The following LAMA3 variants were observed in gnomAD, a reference collection of about 807,000 sequenced individuals.
The protein encoded by LAMA3 is laminin subunit alpha 3.
Under a neutral mutation model 402.0 loss-of-function variants are expected in LAMA3, and 281 were observed. That is an observed-to-expected ratio of 0.70 (90% CI 0.63 to 0.77). The LOEUF (loss-of-function observed/expected upper bound fraction) is 0.77. Ranked by LOEUF, LAMA3 falls within the 30% of genes least tolerant of loss-of-function variation. The probability of loss-of-function intolerance (pLI) is 0.00; values close to 1 mark genes in which losing one functional copy is unlikely to be tolerated. For missense variants in LAMA3, 3,840 were observed against 4,215.5 expected (o/e 0.91, Z 2.47); for synonymous variants, 1,431 against 1,558.4 (o/e 0.92, Z 1.93).
chr18:23,755,849 G>A (rs2061833020), intron 6 of LAMA3, among the ~76,000 whole-genome samples: 1 of 152,210 alleles, frequency 6.6e-6, no homozygotes, highest in Non-Finnish European at 1.5e-5. Context: ...TCTAATCAAT[G>A]ACATCTTTAA....
intron 74 of LAMA3, among the ~76,000 whole-genome samples, chr18:23,953,949 C>T (rs1182530105): frequency 6.6e-6 from 1 of 152,124 alleles, no homozygotes; most frequent in African/African-American, 2.4e-5. Flanking sequence ...TAAAAAGTAC[C>T]AGTTTAGAGC....
rs78040445 is a variant in LAMA3 at position 23,835,624 on chromosome 18, G to C, written c.2985-1357G>C. 3.9e-3 allele frequency among the ~76,000 whole-genome samples: 588 copies of C among 152,244 alleles called. 4 individuals are homozygous for C. The highest frequency in any genetic ancestry group is 0.013 in the African/African-American group (559 of 41,542). The stretch of plus-strand genomic sequence containing the variant: ...ATTGTGTTTAATCCCTCCAAGGAGT[G>C]TCCCGTTCTATTTTTTCACGTGGCT... On this transcript the variant is annotated intron_variant, in intron 24 of 74. Transcript: ENST00000313654.
chr18:23,817,585 C>T (rs1330728315), intron 18 of LAMA3, among the ~76,000 whole-genome samples: 1 of 152,122 alleles, frequency 6.6e-6, no homozygotes, highest in Non-Finnish European at 1.5e-5. Flanking sequence ...CACTGTGGCA[C>T]ATGCCTGTAG....
chr18:23,861,594 G>A (rs1373086581), intron 34 of LAMA3, 52 bp from the exon 35 acceptor site: 70 of 1,607,462 alleles, frequency 4.4e-5, no homozygotes, highest in Non-Finnish European at 5.7e-5. Flanking sequence ...CATCACCCCA[G>A]GGATGCCACG....
chr18:23,815,556 A>G lies in LAMA3; in HGVS notation c.2030A>G (p.Asn677Ser). ...EDGYFALEKS[N>S]YFGCQGCQCD... ...GGATATTTTGCTTTGGAAAAGAGCA[A>G]TTACTTTGGGTGTCAAGGTAAATAA... The change falls in exon 17 of 75, where the codon AAT (asparagine) becomes AGT (serine). Residue 677 changes from asparagine (N) to serine (S), a missense_variant. Around this residue, in one of 3 missense-constraint regions of LAMA3, gnomAD observed 2,109 missense variants for 2,376.0 expected, o/e 0.89. Coordinates refer to ENST00000313654, the MANE Select transcript of LAMA3 (RefSeq NM_198129.4). 1 of 1,613,704 alleles carries G rather than the reference A, an allele frequency of 6.2e-7. No individual in the cohort carries two copies. The highest frequency in any genetic ancestry group is 8.5e-7 in the Non-Finnish European group (1 of 1,179,608).
chr18:23,883,219 A>T (rs2064960127), intron 40 of LAMA3, among the ~76,000 whole-genome samples: 1 of 152,090 alleles, frequency 6.6e-6, no homozygotes, highest in South Asian at 2.1e-4. Context: ...AGTGCGATGG[A>T]AATTTTGGGG....
In LAMA3 at chr18:23,739,853, TA is replaced by T. The variant is rs1243631615; in HGVS notation, c.448-8084del. Among the ~76,000 whole-genome samples, 4 of 152,372 alleles carry T rather than the reference TA, an allele frequency of 2.6e-5. No homozygotes were observed. The East Asian group carries it at 7.7e-4, about 29-fold the overall frequency. Reference sequence around the variant, plus strand: ...ATATATTTTTAGGAGTTGTTTGGTCTAAAAAATATAAATAGATTGAAGGAGG... The same window carrying T: ...ATATATTTTTAGGAGTTGTTTGGTCTAAAAATATAAATAGATTGAAGGAGG... On this transcript the variant is annotated intron_variant, in intron 2 of 74. Coordinates refer to ENST00000313654, the MANE Select transcript of LAMA3 (RefSeq NM_198129.4).
chr18:23,750,831 G>A, intron 4 of LAMA3, 87 bp from the exon 5 acceptor site: 1 of 1,416,574 alleles, frequency 7.1e-7, no homozygotes, highest in Non-Finnish European at 1.0e-6. Context: ...CAAGTGCCTT[G>A]GGGCATGTGA....
At chr18:23,905,652 G>A (rs1181754211) in intron 52 of LAMA3, 28 bp downstream of exon 52, 2 of 1,328,698 alleles carry the variant, frequency 1.5e-6, no homozygotes, top group South Asian at 1.2e-5. Context: ...CAATGGCAGG[G>A]ATAGTCAGGA....
chr18:23,874,279 G>C (rs2064631343), intron 38 of LAMA3, among the ~76,000 whole-genome samples: 1 of 152,144 alleles, frequency 6.6e-6, no homozygotes, highest in Admixed American at 6.5e-5. Context: ...ATAATTATAA[G>C]TTACTTGCCA....
intron 2 of LAMA3, among the ~76,000 whole-genome samples, chr18:23,717,542 CTTTTTTTTT>C (rs138974380): frequency 5.4e-4 from 35 of 64,910 alleles, no homozygotes; most frequent in South Asian, 1.4e-3. Flanking sequence ...TGGACTTGAT[CTTTTTTTTT>C]TTTTTTTTTT....
chr18:23,833,761 C>T, intron 23 of LAMA3, 67 bp from the exon 24 acceptor site: 7 of 1,564,894 alleles, frequency 4.5e-6, no homozygotes, highest in Non-Finnish European at 6.2e-6. Context: ...TTCACCATTG[C>T]TGATGCAAGT....
Position 23,873,581 on chromosome 18 carries a change from G to C in LAMA3, c.4998+1920G>C, listed in dbSNP as rs531228378. 9.2e-5 allele frequency among the ~76,000 whole-genome samples: 14 copies of C among 152,292 alleles called. No individual in the cohort carries two copies. The East Asian group carries it at 9.6e-4, about 10-fold the overall frequency. On this transcript the variant is annotated intron_variant, in intron 38 of 74. Coordinates refer to ENST00000313654, the MANE Select transcript of LAMA3 (RefSeq NM_198129.4). ...TACTTGGAAGAAAATTTACCCACGG[G>C]GGGGAGAAAATGGGAAAGAGTGAAA...
chr18:23,712,236 C>G (rs1374575435), intron 1 of LAMA3, among the ~76,000 whole-genome samples: 1 of 151,656 alleles, frequency 6.6e-6, no homozygotes, highest in Non-Finnish European at 1.5e-5. Flanking sequence ...CAAAATTAGC[C>G]GGGCGTGGTG....
chr18:23,877,188 A>T (rs1598979992), intron 39 of LAMA3, among the ~76,000 whole-genome samples: 1 of 152,130 alleles, frequency 6.6e-6, no homozygotes, highest in African/African-American at 2.4e-5. Context: ...CACAACATCC[A>T]CCGCCTGCCT....
rs139660516 is a variant in LAMA3 at position 23,870,238 on chromosome 18, G to C, written c.4768-1193G>C. On this transcript the variant is annotated intron_variant, in intron 37 of 74. Transcript: ENST00000313654. ...GAATCACTTGAACCCGGGAGGCAGA[G>C]GTTGTAGTGAGCTGAGATCACACCA... Among the ~76,000 whole-genome samples the C allele has an allele frequency of 3.9e-3, 600 of 152,278 alleles. 4 individuals carry two copies. The highest frequency in any genetic ancestry group is 0.02 in the Middle Eastern group (6 of 294).
chr18:23,816,375 T>C lies in LAMA3; in HGVS notation c.2048-13T>C, dbSNP rs567357605. On this transcript the variant is annotated splice_polypyrimidine_tract_variant and intron_variant, in intron 17 of 74. Transcript: ENST00000313654. ...GGTTTAAGGTATAACTGCTGCTGTTTCCTGGCTTTCAGGGTGTCAGTGTGA... is the reference window on the plus strand; with the variant it reads ...GGTTTAAGGTATAACTGCTGCTGTTCCCTGGCTTTCAGGGTGTCAGTGTGA... 76 of 1,611,768 alleles carry C rather than the reference T, an allele frequency of 4.7e-5. No individual in the cohort carries two copies. Among genetic ancestry groups the C allele is most frequent in the Non-Finnish European group, 6.3e-5 (74 of 1,177,890 alleles).
At chr18:23,917,353 T>C (rs2081668556) in intron 60 of LAMA3, among the ~76,000 whole-genome samples, 1 of 152,232 alleles carries the variant, frequency 6.6e-6, no homozygotes, top group African/African-American at 2.4e-5. Flanking sequence ...GTCTTTATGG[T>C]AGAACGATTT....
intron 1 of LAMA3, chr18:23,709,870 C>G (rs1053329822): frequency 6.9e-6 from 5 of 724,484 alleles, no homozygotes; most frequent in Admixed American, 1.8e-5. Flanking sequence ...TAATCAGGAG[C>G]CAGTTGAACA....
Sources: gnomAD v4.1 joint callset for allele counts (sites outside exome capture counted in the v4.1 genomes callset) on GRCh38, gnomAD v4.1.1 for gene constraint, gnomAD v4.1.1 regional missense constraint, MANE v1.5 for transcripts, NCBI Gene and HGNC (gene_info 2026-07-23, HGNC 2026-07-21) for gene names.